CLIP1: variants seen among roughly 807,000 people sequenced by gnomAD.
The protein encoded by CLIP1 is CAP-Gly domain-containing linker protein 1.
Under a neutral mutation model 161.6 loss-of-function variants are expected in CLIP1, and 66 were observed. The observed-to-expected ratio is 0.41, with a 90% confidence interval of 0.33 to 0.50. The LOEUF (loss-of-function observed/expected upper bound fraction) is 0.50. CLIP1 is among the 20% of genes least tolerant of loss of function. CLIP1 has a pLI of 0.27. For synonymous variants in CLIP1, 598 were observed against 626.2 expected, an observed-to-expected ratio of 0.96 and a Z score of 0.67; for missense variants, 1,376 against 1,702.0, an observed-to-expected ratio of 0.81 and a Z score of 3.37.
chr12:122,400,919 T>TC (rs1956120249), intron 1 of CLIP1: 1 of 151,154 alleles, frequency 6.6e-6, no homozygotes, highest in African/African-American at 2.4e-5. Context: ...ATCCTTTTTT[T>TC]TTTTTTTTTG....
intron 3 of CLIP1, among the ~76,000 whole-genome samples, chr12:122,374,040 A>G (rs1397242357): frequency 6.6e-6 from 1 of 152,186 alleles, no homozygotes; most frequent in African/African-American, 2.4e-5. Context: ...CCCCTTTCAC[A>G]GTATCAAAGA....
In CLIP1 at chr12:122,291,129, G is replaced by A. The variant is rs181749854; in HGVS notation, c.3595-2588C>T. Among the ~76,000 whole-genome samples the A allele has an allele frequency of 4.6e-3, 693 of 151,764 alleles. 8 individuals carry two copies. Among genetic ancestry groups the A allele is most frequent in the African/African-American group, 0.016 (652 of 41,382 alleles). On this transcript the variant is annotated intron_variant, in intron 20 of 25. Transcript: ENST00000620786. ...GCTGGTCTCAAACTCCTGACCTCAG[G>A]TGATCCACCCGCCTCAGCCACCCGA... is the stretch of plus-strand genomic sequence containing the variant.
At chr12:122,308,534 C>T (rs190261327) in intron 20 of CLIP1, among the ~76,000 whole-genome samples, 1 of 152,312 alleles carries the variant, frequency 6.6e-6, no homozygotes, top group East Asian at 1.9e-4. Context: ...CACACTGATA[C>T]TCTCCTTGGC....
At chr12:122,421,581 A>G (rs1040520065) in intron 1 of CLIP1, among the ~76,000 whole-genome samples, 16 of 152,168 alleles carry the variant, frequency 1.1e-4, no homozygotes, top group Non-Finnish European at 2.2e-4. Context: ...GTTTTAAAAA[A>G]CAGTTCACTG....
At position 122,305,926 on chromosome 12, in the gene CLIP1, G is replaced by A. The variant is rs142151008; in HGVS notation, c.3594+3836C>T. ...CTACTAAAATACAATAAATTAGCCAGGCCTGGTGGCACGCGCCTGTAGTCC... is the reference window on the plus strand; with the variant it reads ...CTACTAAAATACAATAAATTAGCCAAGCCTGGTGGCACGCGCCTGTAGTCC... On this transcript the variant is annotated intron_variant, in intron 20 of 25. Coordinates refer to ENST00000620786, the MANE Select transcript of CLIP1 (RefSeq NM_001247997.2). Among the ~76,000 whole-genome samples the A allele has an allele frequency of 5.7e-3, 866 of 151,700 alleles. 10 individuals are homozygous for A. The highest frequency in any genetic ancestry group is 0.02 in the African/African-American group (821 of 41,320).
intron 19 of CLIP1, among the ~76,000 whole-genome samples, chr12:122,313,187 A>G (rs1355595416): frequency 6.6e-6 from 1 of 152,190 alleles, no homozygotes; most frequent in Non-Finnish European, 1.5e-5. Context: ...TGACAGGAAG[A>G]TGTGATTCCC....
rs373744943 is a variant in CLIP1, at chr12:122,306,142, C to T, written c.3594+3620G>A. Among the ~76,000 whole-genome samples, 16 of 151,836 alleles carry T rather than the reference C, an allele frequency of 1.1e-4. No individual in the cohort carries two copies. In the South Asian group the frequency reaches 1.7e-3, roughly 16 times the overall value. ...CATTTTTCTCCCATGCTGGAAGCTT[C>T]CTGCCCTAGAACATTGGACTTCAAG... On this transcript the variant is annotated intron_variant, in intron 20 of 25. Coordinates refer to ENST00000620786, the MANE Select transcript of CLIP1 (RefSeq NM_001247997.2).
intron 21 of CLIP1, among the ~76,000 whole-genome samples, chr12:122,287,897 T>G (rs1955921467): frequency 6.6e-6 from 1 of 152,212 alleles, no homozygotes; most frequent in Non-Finnish European, 1.5e-5. Flanking sequence ...GTATGTTTAG[T>G]TACTGAAACT....
rs1326314140 is a variant in CLIP1 at position 122,354,617 on chromosome 12, T to C, written c.1204-61A>G. 1.1e-5 allele frequency: 15 copies of C among 1,356,458 alleles called. No individual in the cohort carries two copies. The Admixed American group carries it at 2.4e-4, about 22-fold the overall frequency. 84.0% of individuals were successfully genotyped at this position (1,356,458 alleles called of 1,614,324 possible). ...TCTGACCCAGATACAGACCCAGTGA[T>C]ACTTCTCCAAAGAGCTGTGGGTCAC... On this transcript the variant is annotated intron_variant, in intron 6 of 25. Coordinates refer to ENST00000620786, the MANE Select transcript of CLIP1 (RefSeq NM_001247997.2).
intron 3 of CLIP1, among the ~76,000 whole-genome samples, chr12:122,365,852 T>TA (rs889542080): frequency 1.3e-5 from 2 of 150,866 alleles, no homozygotes; most frequent in Non-Finnish European, 3.0e-5. Flanking sequence ...GTACAAATAA[T>TA]AAAAAAAATT....
intron 4 of CLIP1, among the ~76,000 whole-genome samples, chr12:122,362,259 T>C (rs1953877353): frequency 6.6e-6 from 1 of 150,478 alleles, no homozygotes; most frequent in Admixed American, 6.6e-5. Flanking sequence ...GCCCAAAAAA[T>C]ATATACTTTT....
chr12:122,378,007 C>A, intron 2 of CLIP1, 47 bp from the exon 3 acceptor site: 1 of 1,502,546 alleles, frequency 6.7e-7, no homozygotes, highest in South Asian at 1.3e-5. Flanking sequence ...TTCAAGCAGA[C>A]AACCTCTAAC....
intron 1 of CLIP1, among the ~76,000 whole-genome samples, chr12:122,415,612 A>G (rs1053439566): frequency 2.0e-5 from 3 of 152,020 alleles, no homozygotes; most frequent in Non-Finnish European, 4.4e-5. Flanking sequence ...TGAGGTCAGG[A>G]GTTTGAGACC....
At chr12:122,315,067 G>A (rs1951208343) in intron 19 of CLIP1, among the ~76,000 whole-genome samples, 1 of 152,190 alleles carries the variant, frequency 6.6e-6, no homozygotes, top group Non-Finnish European at 1.5e-5. Context: ...TCCCCTCGCA[G>A]GAGCAGCTCA....
At chr12:122,276,417 A>G in intron 24 of CLIP1, 1 of 1,139,082 alleles carries the variant, frequency 8.8e-7, no homozygotes, top group South Asian at 1.4e-5. Context: ...TGTGCACGCA[A>G]ATTAGGAAAC....
In CLIP1 at chr12:122,371,537, T is replaced by C. The variant is rs1052422172; in HGVS notation, c.657+5852A>G. Among the ~76,000 whole-genome samples the C allele has an allele frequency of 2.0e-5, 3 of 152,164 alleles. No individual in the cohort carries two copies. In the East Asian group the frequency reaches 5.8e-4, roughly 29 times the overall value. ...TAGGCAAAGGAACAGCATCACCAAA[T>C]TGACATTTTAATTGATCTCTCTGTA... On this transcript the variant is annotated intron_variant, in intron 3 of 25. Coordinates refer to ENST00000620786, the MANE Select transcript of CLIP1 (RefSeq NM_001247997.2).
At chr12:122,387,459 GACT>G (rs1222031959) in intron 1 of CLIP1, among the ~76,000 whole-genome samples, 1 of 141,056 alleles carries the variant, frequency 7.1e-6, no homozygotes, top group African/African-American at 2.5e-5. Flanking sequence ...CGGGGGGGAG[GACT>G]ACTGTCACTT....
chr12:122,329,925 C>T (rs574808438), intron 15 of CLIP1, among the ~76,000 whole-genome samples: 23 of 152,170 alleles, frequency 1.5e-4, no homozygotes, highest in South Asian at 4.1e-4. Context: ...CGAGACCAGC[C>T]TGACCAACAT....
At chr12:122,369,014 C>T (rs1954302546) in intron 3 of CLIP1, among the ~76,000 whole-genome samples, 1 of 147,318 alleles carries the variant, frequency 6.8e-6, no homozygotes, top group African/African-American at 2.5e-5. Flanking sequence ...AAGCACGGTA[C>T]TTTTTTTTTT....
Sources: gnomAD v4.1 joint callset for allele counts (sites outside exome capture counted in the v4.1 genomes callset) on GRCh38, gnomAD v4.1.1 for gene constraint, MANE v1.5 for transcripts, NCBI Gene and HGNC (gene_info 2026-07-23, HGNC 2026-07-21) for gene names.